The following SCAPER variants were observed in gnomAD, a reference collection of about 807,000 sequenced individuals.
SCAPER encodes S phase cyclin A-associated protein in the endoplasmic reticulum.
In SCAPER, 98 loss-of-function variants were observed where a neutral mutation model predicts 182.2. The observed-to-expected ratio is 0.54, with a 90% CI of 0.46 to 0.64. The LOEUF (loss-of-function observed/expected upper bound fraction) is 0.64, where lower values mean the gene tolerates loss of function less well. Ranked by LOEUF, SCAPER falls within the 30% of genes least tolerant of loss-of-function variation. The pLI, the probability that SCAPER is intolerant of heterozygous loss-of-function variation, is 0.00. For synonymous variants in SCAPER, 605 were observed against 564.6 expected (o/e 1.07, Z -1.01); for missense variants, 1,432 against 1,690.0 (o/e 0.85, Z 2.68).
intron 21 of SCAPER, among the ~76,000 whole-genome samples, chr15:76,634,496 T>C (rs2053426354): frequency 1.3e-5 from 2 of 152,198 alleles, no homozygotes; most frequent in Non-Finnish European, 2.9e-5. Flanking sequence ...ATTGGAATTT[T>C]GACAGGGATT....
In SCAPER at chr15:76,795,321, G is replaced by C; in HGVS notation, c.731C>G (p.Ser244Cys). 1.2e-6 allele frequency: 2 copies of C among 1,613,326 alleles called. No homozygotes were observed. Among genetic ancestry groups the C allele is most frequent in the South Asian group, 2.2e-5 (2 of 91,022 alleles). ...TASSEITPAQ[S>C]CPPMTVQKAS... ...CTTCTGCACTGTCATTGGTGGGCAA[G>C]ACTGGGCGGGTGTTATTTCTGAAGA... Residue 244 changes from serine to cysteine, a missense_variant, in exon 8 of 32, where the codon TCT (serine) becomes TGT (cysteine). Ser to Cys is a moderately radical substitution (Grantham distance 112). Coordinates refer to ENST00000563290, the MANE Select transcript of SCAPER (RefSeq NM_020843.4).
rs184628391 is a variant in SCAPER, at chr15:76,506,065, A to T, written c.2839-1091T>A. 9.9e-5 allele frequency among the ~76,000 whole-genome samples: 15 copies of T among 151,912 alleles called. No homozygotes were observed. The East Asian group carries it at 2.9e-3, about 29-fold the overall frequency. Reference sequence around the variant, plus strand: ...CATTAAAACAATTGAACTCATGGAGATAGAGAATGGAAGGATGGGTACCAG... The same window carrying T: ...CATTAAAACAATTGAACTCATGGAGTTAGAGAATGGAAGGATGGGTACCAG... On this transcript the variant is annotated intron_variant, in intron 23 of 31. Transcript: ENST00000563290.
intron 23 of SCAPER, among the ~76,000 whole-genome samples, chr15:76,506,602 G>C (rs2143876202): frequency 6.6e-6 from 1 of 152,196 alleles, no homozygotes; most frequent in Non-Finnish European, 1.5e-5. Context: ...GTAAAAGAAA[G>C]TGGGAAGAGA....
intron 24 of SCAPER, among the ~76,000 whole-genome samples, chr15:76,493,814 A>T (rs2052556837): frequency 6.6e-6 from 1 of 152,226 alleles, no homozygotes; most frequent in Admixed American, 6.5e-5. Flanking sequence ...GTGGTACAAC[A>T]GCTGTCAACT....
In SCAPER at chr15:76,404,616, T is replaced by C. The variant is rs1284044100; in HGVS notation, c.3375A>G (p.Pro1125=). 2 of 1,613,622 alleles carry C rather than the reference T, an allele frequency of 1.2e-6. No homozygotes were observed. Among genetic ancestry groups the C allele is most frequent in the Non-Finnish European group, 1.7e-6 (2 of 1,179,800 alleles). ...TGGCCATCTTGGGATTCTCATCCAC[T>C]GGGCCTTGCACCGAGAGGAAGCAGG... ...LCACFLSVQG[P]VDENPKMAIF... is the part of the protein sequence containing the mutation. The change falls in exon 27 of 32, where the codon CCA becomes CCG. Residue 1125 remains proline (P), a synonymous_variant. Coordinates refer to ENST00000563290, the MANE Select transcript of SCAPER (RefSeq NM_020843.4).
At chr15:76,699,868 T>A (rs1274565378) in intron 20 of SCAPER, among the ~76,000 whole-genome samples, 1 of 152,096 alleles carries the variant, frequency 6.6e-6, no homozygotes, top group African/African-American at 2.4e-5. Context: ...CGCACACTGG[T>A]GATGGCAGGG....
intron 4 of SCAPER, among the ~76,000 whole-genome samples, chr15:76,855,457 C>A (rs1200608032): frequency 2.0e-3 from 227 of 116,258 alleles, no homozygotes; most frequent in East Asian, 3.2e-3. Context: ...TTCTGCACAG[C>A]AAAAAAAAAA....
At chr15:76,714,334 T>G (rs1271327853) in intron 17 of SCAPER, among the ~76,000 whole-genome samples, 2 of 152,174 alleles carry the variant, frequency 1.3e-5, no homozygotes, top group African/African-American at 4.8e-5. Context: ...AATAAAGTTG[T>G]GAAAAAAAAT....
chr15:76,448,958 T>C (rs190782), intron 25 of SCAPER, among the ~76,000 whole-genome samples: 149,329 of 152,268 alleles, frequency 0.98, 73,284 homozygotes, highest in South Asian at 1. Context: ...CACTTAGTGA[T>C]GTAACACAAC....
intron 5 of SCAPER, among the ~76,000 whole-genome samples, chr15:76,839,490 G>C (rs1164651241): frequency 1.3e-5 from 2 of 152,202 alleles, no homozygotes; most frequent in African/African-American, 2.4e-5. Context: ...CATGTGCTTA[G>C]ACCAAACGTT....
At chr15:76,712,129 G>C (rs1202026893) in intron 17 of SCAPER, among the ~76,000 whole-genome samples, 6 of 152,148 alleles carry the variant, frequency 3.9e-5, no homozygotes, top group Admixed American at 6.5e-5. Flanking sequence ...GTGTAAGGAA[G>C]GGATCCAGTT....
chr15:76,808,760 T>C (rs1430255729), intron 5 of SCAPER, among the ~76,000 whole-genome samples: 1 of 152,098 alleles, frequency 6.6e-6, no homozygotes, highest in Non-Finnish European at 1.5e-5. Context: ...AACCTGCCTA[T>C]CTCCAAGAGC....
At chr15:76,882,671 T>A (rs1448826599) in intron 2 of SCAPER, among the ~76,000 whole-genome samples, 1 of 152,054 alleles carries the variant, frequency 6.6e-6, no homozygotes, top group Non-Finnish European at 1.5e-5. Context: ...TCTTTCTTTT[T>A]TTCTTTTATT....
Position 76,768,548 on chromosome 15 carries a change from T to C in SCAPER, c.1249-1460A>G, listed in dbSNP as rs144245371. ...TGTGGGAGGAGTGAAAGGGAGTAAC[T>C]GCTAATGGGCACTGGGTTTTCTTTT... On this transcript the variant is annotated intron_variant, in intron 10 of 31. Transcript: ENST00000563290. Among the ~76,000 whole-genome samples the C allele has an allele frequency of 5.3e-3, 811 of 152,276 alleles. 12 individuals are homozygous for C. The highest frequency in any genetic ancestry group is 0.018 in the African/African-American group (752 of 41,556).
chr15:76,777,722 C>A (rs2063831154), intron 8 of SCAPER, among the ~76,000 whole-genome samples: 1 of 152,002 alleles, frequency 6.6e-6, no homozygotes, highest in African/African-American at 2.4e-5. Context: ...AATAAATATT[C>A]AAAGAAGGTT....
chr15:76,450,780 C>T lies in SCAPER; in HGVS notation c.3079-16470G>A, dbSNP rs576189095. ...ATATTGCCCAGGCTGGTCTCGAACT[C>T]CTGGGCTCAGCGATCCATGCACCTT... On this transcript the variant is annotated intron_variant, in intron 25 of 31. Coordinates refer to ENST00000563290, the MANE Select transcript of SCAPER (RefSeq NM_020843.4). 1.1e-4 allele frequency among the ~76,000 whole-genome samples: 17 copies of T among 152,170 alleles called. No individual in the cohort carries two copies. In the South Asian group the frequency reaches 3.5e-3, roughly 32 times the overall value.
At chr15:76,801,371 G>T (rs2065776933) in intron 6 of SCAPER, among the ~76,000 whole-genome samples, 1 of 151,872 alleles carries the variant, frequency 6.6e-6, no homozygotes, top group African/African-American at 2.4e-5. Context: ...TTTCTTTGTG[G>T]TGTCTGCCTG....
Position 76,804,576 on chromosome 15 carries a change from T to C in SCAPER, c.451A>G (p.Ile151Val). Reference sequence around the variant, plus strand: ...TTCTCTAGCTTTTCCTGAAGCTGAATCCAGTCAATCAATGCTTTGAAATCT... The same window carrying C: ...TTCTCTAGCTTTTCCTGAAGCTGAACCCAGTCAATCAATGCTTTGAAATCT... The part of the protein sequence containing the change: ...VRDFKALIDW[I>V]QLQEKLEKTD... Residue 151 changes from isoleucine to valine, a missense_variant, in exon 6 of 32, where the codon ATT becomes GTT. Ile to Val is a conservative substitution (Grantham distance 29). This residue lies in a region of SCAPER where 480 missense variants were observed against 510.2 expected (regional missense o/e 0.94). Coordinates refer to ENST00000563290, the MANE Select transcript of SCAPER (RefSeq NM_020843.4). 6.2e-7 allele frequency: 1 copy of C among 1,612,100 alleles called. No individual in the cohort carries two copies. The highest frequency in any genetic ancestry group is 1.7e-4 in the Middle Eastern group (1 of 6,058).
At chr15:76,538,722 TTA>T (rs2044439866) in intron 23 of SCAPER, among the ~76,000 whole-genome samples, 1 of 10,758 alleles carries the variant, frequency 9.3e-5, no homozygotes, top group Non-Finnish European at 7.7e-4. Context: ...ATAATAATAA[TTA>T]AAAAAAAAAG....
Sources: gnomAD v4.1 joint callset for allele counts (sites outside exome capture counted in the v4.1 genomes callset) on GRCh38, gnomAD v4.1.1 for gene constraint, gnomAD v4.1.1 regional missense constraint, MANE v1.5 for transcripts, NCBI Gene and HGNC (gene_info 2026-07-23, HGNC 2026-07-21) for gene names.